The following WDR7 variants were observed in gnomAD, a reference collection of about 807,000 sequenced individuals.
WDR7 encodes WD repeat-containing protein 7.
Under a neutral mutation model 169.4 loss-of-function variants are expected in WDR7, and 46 were observed. That is an observed-to-expected ratio of 0.27 (90% CI 0.21 to 0.35). The LOEUF (loss-of-function observed/expected upper bound fraction) is 0.35, where lower values mean the gene tolerates loss of function less well. WDR7 is among the 10% of genes least tolerant of loss of function. The pLI is 1.00. For missense variants in WDR7, 1,534 were observed against 1,859.3 expected (o/e 0.83, Z 3.22); for synonymous variants, 612 against 666.8 (o/e 0.92, Z 1.27).
chr18:56,778,496 T>G (rs1326791873), intron 17 of WDR7, among the ~76,000 whole-genome samples: 1 of 152,138 alleles, frequency 6.6e-6, no homozygotes, highest in Non-Finnish European at 1.5e-5. Context: ...TTGGTAAGAA[T>G]GAGGAATTTA....
intron 19 of WDR7, among the ~76,000 whole-genome samples, chr18:56,786,194 A>G (rs1445410246): frequency 2.0e-5 from 3 of 152,130 alleles, no homozygotes; most frequent in African/African-American, 4.8e-5. Context: ...AAAAGGAGCA[A>G]TAGTCTGTCT....
intron 19 of WDR7, among the ~76,000 whole-genome samples, chr18:56,802,757 G>A (rs776701811): frequency 3.3e-5 from 5 of 151,870 alleles, no homozygotes; most frequent in East Asian, 1.9e-4. Context: ...CCCAGTCTGC[G>A]GGTTGTTTTT....
At chr18:56,798,250 G>A (rs2044617513) in intron 19 of WDR7, among the ~76,000 whole-genome samples, 1 of 152,152 alleles carries the variant, frequency 6.6e-6, no homozygotes, top group Admixed American at 6.5e-5. Flanking sequence ...TAGTGGTTAT[G>A]GGGTGGGGCA....
intron 20 of WDR7, among the ~76,000 whole-genome samples, chr18:56,867,566 A>G (rs2045900093): frequency 6.6e-6 from 1 of 152,192 alleles, no homozygotes. Context: ...TGAGGAAACG[A>G]TTATGTTGTA....
chr18:56,661,029 C>A (rs1290419440), intron 1 of WDR7, among the ~76,000 whole-genome samples: 1 of 152,170 alleles, frequency 6.6e-6, no homozygotes, highest in African/African-American at 2.4e-5. Context: ...CACAGTTGCC[C>A]ATCTTATTTT....
chr18:56,963,030 A>G (rs1251272707), intron 26 of WDR7, among the ~76,000 whole-genome samples: 1 of 152,186 alleles, frequency 6.6e-6, no homozygotes. Context: ...ACTACTTTTT[A>G]AACTTTTGTA....
chr18:56,948,722 G>C (rs1350348540), intron 25 of WDR7, among the ~76,000 whole-genome samples: 1 of 151,974 alleles, frequency 6.6e-6, no homozygotes, highest in Non-Finnish European at 1.5e-5. Context: ...AGCTTTTTTT[G>C]TGCTGACAAT....
intron 26 of WDR7, among the ~76,000 whole-genome samples, chr18:56,967,122 T>G (rs768639270): frequency 5.3e-5 from 8 of 152,216 alleles, no homozygotes; most frequent in Non-Finnish European, 1.2e-4. Context: ...TAGATGAAAC[T>G]GGAGACATCT....
intron 14 of WDR7, among the ~76,000 whole-genome samples, chr18:56,754,353 A>G (rs1359838624): frequency 6.7e-6 from 1 of 150,082 alleles, no homozygotes; most frequent in Admixed American, 6.7e-5. Context: ...GTGTGTATAT[A>G]TGTGTGTGTA....
intron 12 of WDR7, among the ~76,000 whole-genome samples, chr18:56,698,009 C>G (rs979893787): frequency 3.9e-5 from 6 of 151,902 alleles, no homozygotes; most frequent in Non-Finnish European, 5.9e-5. Context: ...GCCTGATCAA[C>G]ATGGAGAAAC....
At chr18:56,832,123 A>G (rs969808390) in intron 20 of WDR7, among the ~76,000 whole-genome samples, 3 of 152,098 alleles carry the variant, frequency 2.0e-5, no homozygotes, top group Non-Finnish European at 4.4e-5. Flanking sequence ...CAGCAGTCTG[A>G]GGTTGACCTG....
At chr18:56,956,512 T>G (rs375333949) in intron 25 of WDR7, among the ~76,000 whole-genome samples, 62 of 152,138 alleles carry the variant, frequency 4.1e-4, no homozygotes, top group African/African-American at 1.4e-3. Context: ...CTCCTCAAGT[T>G]TGTGGCCCCG....
intron 22 of WDR7, among the ~76,000 whole-genome samples, chr18:56,932,955 A>G (rs1333259719): frequency 6.6e-6 from 1 of 152,044 alleles, no homozygotes; most frequent in Non-Finnish European, 1.5e-5. Flanking sequence ...ATTTCCATGA[A>G]AAGAACCGGA....
intron 1 of WDR7, among the ~76,000 whole-genome samples, chr18:56,657,319 G>A (rs1381223734): frequency 1.3e-5 from 2 of 151,844 alleles, no homozygotes; most frequent in East Asian, 1.9e-4. Context: ...CAGGACACCC[G>A]GCCAATTTTT....
chr18:56,836,275 G>GA (rs919362192), intron 20 of WDR7, among the ~76,000 whole-genome samples: 9 of 152,218 alleles, frequency 5.9e-5, no homozygotes, highest in African/African-American at 2.2e-4. Context: ...GGTGAAGAGT[G>GA]AAAATATACA....
At chr18:56,811,055 G>A (rs915492331) in intron 19 of WDR7, among the ~76,000 whole-genome samples, 1 of 152,110 alleles carries the variant, frequency 6.6e-6, no homozygotes, top group Non-Finnish European at 1.5e-5. Context: ...GTAATGTTTT[G>A]CGACTTCTTT....
chr18:56,940,678 G>A (rs76864550), intron 25 of WDR7, among the ~76,000 whole-genome samples: 8,321 of 152,174 alleles, frequency 0.055, 747 homozygotes, highest in African/African-American at 0.19. Context: ...ATGTCTAAGC[G>A]AAAATGTACT....
chr18:57,020,604 C>T, intron 26 of WDR7, 141 bp from the exon 27 acceptor site: 1 of 772,332 alleles, frequency 1.3e-6, no homozygotes, highest in South Asian at 1.8e-5. Context: ...GCTTATTTTT[C>T]TAAGCTGATT....
In WDR7 at chr18:56,682,821, C is replaced by T; in HGVS notation, c.488C>T (p.Ser163Phe). Residue 163 changes from serine (S) to phenylalanine (F), a missense_variant, in exon 5 of 28, where the codon TCC (serine) becomes TTC (phenylalanine). Transcript: ENST00000254442. ...VSKISPDWIS[S>F]MSIIRSHRTQ... is the part of the protein sequence containing the mutation. ...AAGATATCACCAGACTGGATTAGCTCCATGAGTATTATTCGATCCCACCGA... is the reference window on the plus strand; with the variant it reads ...AAGATATCACCAGACTGGATTAGCTTCATGAGTATTATTCGATCCCACCGA... 2 of 1,613,676 alleles carry T rather than the reference C, an allele frequency of 1.2e-6. No homozygotes were observed.
Sources: gnomAD v4.1 joint callset for allele counts (sites outside exome capture counted in the v4.1 genomes callset) on GRCh38, gnomAD v4.1.1 for gene constraint, MANE v1.5 for transcripts, NCBI Gene and HGNC (gene_info 2026-07-23, HGNC 2026-07-21) for gene names.